The following ARHGEF17 variants were observed in gnomAD, a reference collection of about 807,000 sequenced individuals.
ARHGEF17 encodes the protein 164 kDa Rho-specific guanine-nucleotide exchange factor.
Under a neutral mutation model 174.0 loss-of-function variants are expected in ARHGEF17, and 80 were observed. That is an observed-to-expected ratio of 0.46 (90% confidence interval 0.38 to 0.55). The LOEUF (loss-of-function observed/expected upper bound fraction) is 0.55, where lower values mean the gene tolerates loss of function less well. Ranked by LOEUF, ARHGEF17 falls within the 20% of genes least tolerant of loss-of-function variation. ARHGEF17 has a pLI of 0.00. For synonymous variants in ARHGEF17, 1,311 were observed against 1,189.1 expected, an observed-to-expected ratio of 1.10 and a Z score of -2.11; for missense variants, 2,886 against 2,839.7, an observed-to-expected ratio of 1.02 and a Z score of -0.37.
At chr11:73,335,839 C>T (rs903974593) in intron 1 of ARHGEF17, among the ~76,000 whole-genome samples, 2 of 152,232 alleles carry the variant, frequency 1.3e-5, no homozygotes, top group Non-Finnish European at 2.9e-5. Context: ...CCTTCTCCCC[C>T]ATTTGTTTAC....
chr11:73,324,514 G>A lies in ARHGEF17; in HGVS notation c.3192+12684G>A, dbSNP rs148869190. 1.8e-3 allele frequency among the ~76,000 whole-genome samples: 276 copies of A among 152,294 alleles called. 3 individuals carry two copies. The highest frequency in any genetic ancestry group is 2.9e-3 in the African/African-American group (119 of 41,556). On this transcript the variant is annotated intron_variant, in intron 1 of 20. Transcript: ENST00000263674. Reference sequence around the variant, plus strand: ...GCAGATGGGCAAAGGGTGCCGTCCCGAGTCGGCACTGATTGGGGGTGGGAT... The same window carrying A: ...GCAGATGGGCAAAGGGTGCCGTCCCAAGTCGGCACTGATTGGGGGTGGGAT...
In ARHGEF17 at chr11:73,360,540, C is replaced by T. The variant is rs200119529; in HGVS notation, c.4420+7C>T. 64 of 1,613,530 alleles carry T rather than the reference C, an allele frequency of 4.0e-5. No homozygotes were observed. The highest frequency in any genetic ancestry group is 2.3e-4 in the South Asian group (21 of 91,082). On this transcript the variant is annotated splice_region_variant and intron_variant, in intron 11 of 20. Transcript: ENST00000263674. ...GAGGCCAAGAGGAAGCTGGGTAAGC[C>T]AAGGCACATGTTGGCCCTCTCCTCC... is the stretch of plus-strand genomic sequence containing the variant.
chr11:73,316,232 T>C (rs1864927542), intron 1 of ARHGEF17, among the ~76,000 whole-genome samples: 1 of 152,124 alleles, frequency 6.6e-6, no homozygotes, highest in Non-Finnish European at 1.5e-5. Flanking sequence ...GCAGTAAAAG[T>C]TTGTTTCAGA....
chr11:73,362,395 C>T (rs1413420478), intron 13 of ARHGEF17, 38 bp from the exon 14 acceptor site: 2 of 1,496,748 alleles, frequency 1.3e-6, no homozygotes, highest in Non-Finnish European at 1.8e-6. Context: ...CCCCGTCTGG[C>T]TCGTAGCTGC....
chr11:73,363,985 C>G, intron 16 of ARHGEF17, 152 bp downstream of exon 16: 1 of 1,081,532 alleles, frequency 9.2e-7, no homozygotes, highest in Non-Finnish European at 1.4e-6. Context: ...GTGCCTCTTA[C>G]ACACTGTGTG....
At chr11:73,340,052 T>C (rs1378670863) in intron 1 of ARHGEF17, among the ~76,000 whole-genome samples, 3 of 152,104 alleles carry the variant, frequency 2.0e-5, no homozygotes, top group Non-Finnish European at 2.9e-5. Context: ...TGCATAGGGG[T>C]ACCGTGGCCC....
chr11:73,319,251 A>G (rs1864976303), intron 1 of ARHGEF17, among the ~76,000 whole-genome samples: 1 of 151,870 alleles, frequency 6.6e-6, no homozygotes, highest in South Asian at 2.1e-4. Flanking sequence ...TTTAGTAGAG[A>G]CGGGGTTTCA....
At chr11:73,331,438 C>G (rs892011919) in intron 1 of ARHGEF17, among the ~76,000 whole-genome samples, 2 of 152,146 alleles carry the variant, frequency 1.3e-5, no homozygotes, top group Admixed American at 6.5e-5. Context: ...CCCAGCGTAG[C>G]CTATACCACC....
intron 1 of ARHGEF17, among the ~76,000 whole-genome samples, chr11:73,341,327 G>A (rs1865364927): frequency 6.6e-6 from 1 of 152,116 alleles, no homozygotes; most frequent in African/African-American, 2.4e-5. Context: ...TTTCGCTGTT[G>A]TTGCCCAAGC....
chr11:73,331,459 C>T (rs373606426), intron 1 of ARHGEF17, among the ~76,000 whole-genome samples: 4 of 152,194 alleles, frequency 2.6e-5, no homozygotes, highest in African/African-American at 7.2e-5. Flanking sequence ...TCCCCTCCCC[C>T]ACTCCTGGGC....
In ARHGEF17 at chr11:73,362,505, G is replaced by A. The variant is rs776878249; in HGVS notation, c.4767G>A (p.Glu1589=). The change falls in exon 14 of 21, where the codon GAG becomes GAA. Residue 1589 remains glutamate (E), a synonymous_variant. Coordinates refer to ENST00000263674, the MANE Select transcript of ARHGEF17 (RefSeq NM_014786.4). The part of the protein sequence containing the change: ...PEPAGPELDV[E]AAADEEAATL... ...CCGCCGGGCCGGAGCTGGACGTCGA[G>A]GCCGCTGCAGACGAGGAAGCCGCGA... is the stretch of plus-strand genomic sequence containing the variant. 3 of 1,603,248 alleles carry A rather than the reference G, an allele frequency of 1.9e-6. No homozygotes were observed. The highest frequency in any genetic ancestry group is 2.5e-6 in the Non-Finnish European group (3 of 1,177,330).
intron 20 of ARHGEF17, 126 bp from the exon 21 acceptor site, chr11:73,367,458 G>A (rs958083244): frequency 3.4e-5 from 25 of 745,590 alleles, no homozygotes; most frequent in Non-Finnish European, 5.1e-5. Context: ...ACAGAAAGTG[G>A]GATTCCCCCA....
At chr11:73,362,382 G>T in intron 13 of ARHGEF17, 51 bp from the exon 14 acceptor site, 2 of 1,476,480 alleles carry the variant, frequency 1.4e-6, no homozygotes, top group Admixed American at 2.4e-5. Context: ...TCCACCACCG[G>T]GGCCCCGTCT....
At chr11:73,320,339 ATTATT>A (rs545567977) in intron 1 of ARHGEF17, among the ~76,000 whole-genome samples, 3 of 151,940 alleles carry the variant, frequency 2.0e-5, no homozygotes, top group South Asian at 4.2e-4. Flanking sequence ...TATTGTTAAG[ATTATT>A]TTGTTTTTCG....
chr11:73,333,787 C>A (rs918756733), intron 1 of ARHGEF17, among the ~76,000 whole-genome samples: 1 of 152,134 alleles, frequency 6.6e-6, no homozygotes, highest in African/African-American at 2.4e-5. Context: ...GCTCCAGAGG[C>A]CTGGTCTGGT....
intron 20 of ARHGEF17, among the ~76,000 whole-genome samples, chr11:73,366,607 G>A (rs1399733841): frequency 1.3e-5 from 2 of 152,106 alleles, no homozygotes; most frequent in Non-Finnish European, 2.9e-5. Flanking sequence ...GCACACACCT[G>A]TGGTTCCAGC....
At chr11:73,342,649 C>T (rs886354027) in intron 1 of ARHGEF17, among the ~76,000 whole-genome samples, 2 of 152,062 alleles carry the variant, frequency 1.3e-5, no homozygotes, top group African/African-American at 4.8e-5. Flanking sequence ...GTGTGTGTCC[C>T]GTGCTCCGTG....
At chr11:73,349,040 A>G (rs930655580) in intron 2 of ARHGEF17, among the ~76,000 whole-genome samples, 1 of 152,188 alleles carries the variant, frequency 6.6e-6, no homozygotes, top group East Asian at 1.9e-4. Flanking sequence ...AGGTGGCTGC[A>G]GGAAGGAAGG....
At chr11:73,363,674 A>G in intron 15 of ARHGEF17, 73 bp from the exon 16 acceptor site, 1 of 1,581,310 alleles carries the variant, frequency 6.3e-7, no homozygotes, top group Non-Finnish European at 8.7e-7. Context: ...GCTAGGGGCA[A>G]AGAGGTGGAG....
Sources: allele counts gnomAD v4.1 joint callset (sites outside exome capture counted in the v4.1 genomes callset), GRCh38; gene constraint gnomAD v4.1.1; transcripts MANE v1.5; gene names NCBI Gene and HGNC (gene_info 2026-07-23, HGNC 2026-07-21).